Variants in KLRG1 observed in about 807,000 individuals in gnomAD.
KLRG1 encodes killer cell lectin like receptor G1, also known as killer cell lectin-like receptor subfamily G member 1.
Under a neutral mutation model 21.8 loss-of-function variants are expected in KLRG1, and 16 were observed. The observed-to-expected ratio is 0.73, with a 90% CI of 0.50 to 1.11. The LOEUF (loss-of-function observed/expected upper bound fraction) is 1.11. KLRG1 is among the 50% of genes most tolerant of loss of function. KLRG1 has a pLI of 0.00. For synonymous variants in KLRG1, 69 were observed against 75.9 expected (o/e 0.91, Z 0.47); for missense variants, 173 against 218.3 (o/e 0.79, Z 1.31).
At chr12:9,117,776 T>C in the KLRG1 span, among the ~76,000 whole-genome samples, 1 of 152,208 alleles carries the variant, frequency 6.6e-6, no homozygotes, top group Admixed American at 6.5e-5. Flanking sequence ...AGTAACCACA[T>C]AAAGAGAAAC....
upstream of KLRG1, among the ~76,000 whole-genome samples, chr12:8,988,894 T>C (rs1407679806): frequency 6.6e-6 from 1 of 152,212 alleles, no homozygotes; most frequent in African/African-American, 2.4e-5. Flanking sequence ...CTCTAACTTT[T>C]TATTAACTTT....
the KLRG1 span, among the ~76,000 whole-genome samples, chr12:9,071,027 T>A: frequency 6.6e-6 from 1 of 151,810 alleles, no homozygotes; most frequent in Non-Finnish European, 1.5e-5. Context: ...TCCATGTTGG[T>A]CAGGCTGGTC....
chr12:9,172,601 G>A, the KLRG1 span, among the ~76,000 whole-genome samples: 1 of 152,102 alleles, frequency 6.6e-6, no homozygotes, highest in African/African-American at 2.4e-5. Context: ...CATCTCACAC[G>A]CAAGGACAGA....
At chr12:9,148,884 G>A in the KLRG1 span, 4 of 1,169,234 alleles carry the variant, frequency 3.4e-6, no homozygotes, top group Non-Finnish European at 5.0e-6. Context: ...TATTTTTAGT[G>A]TCTATTTTAT....
the KLRG1 span, among the ~76,000 whole-genome samples, chr12:9,023,905 T>C: frequency 6.6e-6 from 1 of 152,102 alleles, no homozygotes; most frequent in African/African-American, 2.4e-5. Flanking sequence ...TTGAGGTTTT[T>C]TTTTTCTTAT....
the KLRG1 span, chr12:9,036,585 T>A: frequency 5.7e-6 from 1 of 176,494 alleles, no homozygotes; most frequent in Non-Finnish European, 1.2e-5. Flanking sequence ...GAGTATGGTG[T>A]GACTTTCCCA....
intron 2 of KLRG1, 108 bp downstream of exon 2, chr12:8,992,418 T>A: frequency 1.4e-6 from 1 of 719,764 alleles, no homozygotes; most frequent in Non-Finnish European, 2.3e-6. Flanking sequence ...AAAATAACTC[T>A]CCATCTGTAT....
At chr12:8,999,819 A>G (rs1947252600) in intron 3 of KLRG1, among the ~76,000 whole-genome samples, 1 of 152,162 alleles carries the variant, frequency 6.6e-6, no homozygotes, top group Non-Finnish European at 1.5e-5. Flanking sequence ...TGGGTGAATG[A>G]TTTGAGGTCA....
At chr12:8,987,322 A>G (rs1946859072), upstream of KLRG1, 1 of 152,148 alleles carries the variant, frequency 6.6e-6, no homozygotes, top group African/African-American at 2.4e-5. Flanking sequence ...TGATAGGATT[A>G]ATGTTCTTGT....
the KLRG1 span, chr12:9,113,439 A>G: frequency 2.5e-6 from 4 of 1,613,770 alleles, no homozygotes; most frequent in Non-Finnish European, 2.5e-6. Flanking sequence ...GACAGACTCC[A>G]AGGAAGCACT....
the KLRG1 span, among the ~76,000 whole-genome samples, chr12:9,193,401 A>G: frequency 6.6e-5 from 10 of 152,210 alleles, no homozygotes; most frequent in African/African-American, 9.6e-5. Flanking sequence ...CCTTTTGCGC[A>G]TAAACACATC....
the KLRG1 span, chr12:9,135,605 C>T: frequency 3.6e-6 from 1 of 277,028 alleles, no homozygotes; most frequent in Non-Finnish European, 6.9e-6. Context: ...TAAGATGGAT[C>T]ATCTTATAGT....
At chr12:8,986,993 A>G (rs1019355670), upstream of KLRG1, among the ~76,000 whole-genome samples, 4 of 152,214 alleles carry the variant, frequency 2.6e-5, no homozygotes, top group African/African-American at 7.2e-5. Context: ...CCTGCCCAGA[A>G]GCAGATGCCA....
At chr12:9,053,044 GC>G in the KLRG1 span, among the ~76,000 whole-genome samples, 1 of 152,176 alleles carries the variant, frequency 6.6e-6, no homozygotes, top group African/African-American at 2.4e-5. Context: ...AATGGCCAGG[GC>G]CACCTGTCTG....
chr12:9,128,315 G>T, the KLRG1 span: 1 of 160,490 alleles, frequency 6.2e-6, no homozygotes, highest in South Asian at 1.7e-4. Flanking sequence ...CTGAGGATCT[G>T]AGCTGGGAGG....
the KLRG1 span, among the ~76,000 whole-genome samples, chr12:9,149,371 A>T: frequency 6.6e-6 from 1 of 152,178 alleles, no homozygotes; most frequent in Non-Finnish European, 1.5e-5. Context: ...CTTTTCTGGG[A>T]GTGAATATCT....
chr12:9,070,566 G>T, the KLRG1 span: 1 of 1,613,108 alleles, frequency 6.2e-7, no homozygotes, highest in African/African-American at 1.3e-5. Context: ...AGGCAGAGCG[G>T]CTCCCTGTGT....
the KLRG1 span, chr12:9,208,256 T>TA: frequency 7.7e-5 from 124 of 1,610,892 alleles, 1 homozygote; most frequent in South Asian, 9.5e-4. Flanking sequence ...GAGTGAGACT[T>TA]ACGGTTCTGT....
intron 1 of KLRG1, among the ~76,000 whole-genome samples, chr12:8,961,897 A>G (rs1274803440): frequency 1.3e-5 from 2 of 152,146 alleles, no homozygotes; most frequent in Non-Finnish European, 2.9e-5. Context: ...ACCAACCTGG[A>G]TAACATAGGA....
Sources: gnomAD v4.1 joint callset for allele counts (sites outside exome capture counted in the v4.1 genomes callset) on GRCh38, gnomAD v4.1.1 for gene constraint, MANE v1.5 for transcripts, NCBI Gene and HGNC (gene_info 2026-07-23, HGNC 2026-07-21) for gene names.